MDGA2: variants seen among roughly 807,000 people sequenced by gnomAD.
MDGA2 encodes the protein MAM domain-containing glycosylphosphatidylinositol anchor protein 2.
A neutral mutation model predicts 117.8 loss-of-function variants in MDGA2; 40 were observed. The observed-to-expected ratio is 0.34, with a 90% CI of 0.26 to 0.44. The LOEUF (loss-of-function observed/expected upper bound fraction) is 0.44, where lower values mean the gene tolerates loss of function less well. Among genes scored for constraint, MDGA2 ranks in the 20% least tolerant of loss-of-function variants. The probability of loss-of-function intolerance (pLI) is 1.00; values close to 1 mark genes in which losing one functional copy is unlikely to be tolerated. For synonymous variants in MDGA2, 452 were observed against 439.0 expected (o/e 1.03, Z -0.37); for missense variants, 1,123 against 1,250.6 (o/e 0.90, Z 1.54).
intron 8 of MDGA2, among the ~76,000 whole-genome samples, chr14:47,022,609 A>C (rs1888326511): frequency 6.6e-6 from 1 of 152,160 alleles, no homozygotes; most frequent in Non-Finnish European, 1.5e-5. Flanking sequence ...AATTTTTAAA[A>C]AGGTACAGAC....
chr14:47,519,481 T>G (rs544865064), intron 1 of MDGA2, among the ~76,000 whole-genome samples: 1 of 152,304 alleles, frequency 6.6e-6, no homozygotes, highest in East Asian at 1.9e-4. Context: ...TCAATTACAT[T>G]GTTACTCTAT....
At chr14:47,609,096 G>C (rs993907667) in intron 1 of MDGA2, among the ~76,000 whole-genome samples, 2 of 151,506 alleles carry the variant, frequency 1.3e-5, no homozygotes, top group African/African-American at 4.8e-5. Flanking sequence ...TGGGGTGCAG[G>C]TGGTATTTGG....
rs148980675 is a variant in MDGA2 at position 46,965,585 on chromosome 14, A to G, written c.1820-7942T>C. Among the ~76,000 whole-genome samples, 590 of 152,266 alleles carry G rather than the reference A, an allele frequency of 3.9e-3. 7 individuals are homozygous for G. Among genetic ancestry groups the G allele is most frequent in the African/African-American group, 0.014 (578 of 41,562 alleles). On this transcript the variant is annotated intron_variant, in intron 8 of 16. Coordinates refer to ENST00000399232, the MANE Select transcript of MDGA2 (RefSeq NM_001113498.3). ...AAATAATATTAAACCAAGCGCACTC[A>G]TTATAGTGCACTCAAGTCTGTCAAT...
intron 1 of MDGA2, among the ~76,000 whole-genome samples, chr14:47,456,334 C>T (rs1020647858): frequency 1.4e-5 from 2 of 145,860 alleles, no homozygotes; most frequent in Admixed American, 7.0e-5. Context: ...CTCTTATTGC[C>T]CATGCAGGAG....
chr14:47,054,322 C>T (rs1977815), intron 7 of MDGA2, among the ~76,000 whole-genome samples: 137,247 of 151,280 alleles, frequency 0.91, 62,112 homozygotes, highest in East Asian at 1. Context: ...TCTCAAAGCT[C>T]TTATTATTAT....
At position 46,841,937 on chromosome 14, in the gene MDGA2, TCG is replaced by T; in HGVS notation, c.3070_3071del (p.Arg1024LysfsTer10). On this transcript the variant is annotated frameshift_variant, in exon 17 of 17. Transcript: ENST00000399232. LOFTEE classifies it high-confidence loss of function. ...AGCCTCTGCCAGGATAAGGTCACCT[TCG>T]AGGACTTAAGATAGAGATGAGGACG... ...IIVLISILSP[R>X]R 1 of 1,608,350 alleles carries T rather than the reference TCG, an allele frequency of 6.2e-7. No individual in the cohort carries two copies. The highest frequency in any genetic ancestry group is 1.7e-5 in the Admixed American group (1 of 59,880).
At chr14:46,886,494 A>C (rs1465678921) in intron 10 of MDGA2, among the ~76,000 whole-genome samples, 1 of 152,118 alleles carries the variant, frequency 6.6e-6, no homozygotes, top group East Asian at 1.9e-4. Context: ...AGAAATAATA[A>C]ACACTGAGTT....
At chr14:47,460,489 G>C (rs955127985) in intron 1 of MDGA2, among the ~76,000 whole-genome samples, 2 of 151,960 alleles carry the variant, frequency 1.3e-5, no homozygotes, top group Non-Finnish European at 2.9e-5. Context: ...TTATTTAGAT[G>C]AGACACAGAG....
intron 1 of MDGA2, among the ~76,000 whole-genome samples, chr14:47,525,021 T>A (rs890236830): frequency 6.6e-6 from 1 of 152,180 alleles, no homozygotes; most frequent in Non-Finnish European, 1.5e-5. Context: ...GTCCTCTAAA[T>A]CCCAGTTTAA....
At chr14:47,082,475 A>G (rs1237659060) in intron 6 of MDGA2, among the ~76,000 whole-genome samples, 1 of 152,108 alleles carries the variant, frequency 6.6e-6, no homozygotes, top group Non-Finnish European at 1.5e-5. Context: ...AAACACTGAA[A>G]GGTTATGTCC....
At chr14:47,138,334 A>C (rs560006047) in intron 4 of MDGA2, among the ~76,000 whole-genome samples, 1 of 152,206 alleles carries the variant, frequency 6.6e-6, no homozygotes, top group African/African-American at 2.4e-5. Flanking sequence ...AATTAGTCTA[A>C]TTAGACTAAT....
intron 5 of MDGA2, among the ~76,000 whole-genome samples, chr14:47,124,053 T>C (rs1377535101): frequency 6.6e-6 from 1 of 152,118 alleles, no homozygotes; most frequent in African/African-American, 2.4e-5. Context: ...TTATTGGCTG[T>C]AGTAGTAAAC....
intron 16 of MDGA2, among the ~76,000 whole-genome samples, chr14:46,844,816 G>A (rs573961713): frequency 6.6e-6 from 1 of 152,058 alleles, no homozygotes; most frequent in East Asian, 1.9e-4. Flanking sequence ...GAATCATGGG[G>A]GCTCTTCCCC....
Position 46,855,884 on chromosome 14 carries a change from T to C in MDGA2, c.2753-730A>G, listed in dbSNP as rs560145193. On this transcript the variant is annotated intron_variant, in intron 14 of 16. Coordinates refer to ENST00000399232, the MANE Select transcript of MDGA2 (RefSeq NM_001113498.3). The surrounding 1 kb of genome is among the most constrained non-coding windows in gnomAD (Gnocchi z 4.1). Reference sequence around the variant, plus strand: ...TTATTTTTTCAGTTTGATTTTTACCTGTCTCATTTTTCTTCTAAAAGAGTT... The same window carrying C: ...TTATTTTTTCAGTTTGATTTTTACCCGTCTCATTTTTCTTCTAAAAGAGTT... 4.3e-4 allele frequency among the ~76,000 whole-genome samples: 66 copies of C among 152,256 alleles called. No individual in the cohort carries two copies. The highest frequency in any genetic ancestry group is 6.8e-3 in the Middle Eastern group (2 of 294).
intron 3 of MDGA2, among the ~76,000 whole-genome samples, chr14:47,173,296 G>A (rs554354972): frequency 0.013 from 1,909 of 152,140 alleles, 132 homozygotes; most frequent in Admixed American, 0.11. Flanking sequence ...GAAATACAGA[G>A]AACGCCACAA....
intron 1 of MDGA2, among the ~76,000 whole-genome samples, chr14:47,360,386 T>TAAATAAATAAATAAATA (rs781144826): frequency 8.0e-6 from 1 of 125,600 alleles, no homozygotes; most frequent in South Asian, 2.4e-4. Flanking sequence ...AATAAATAAA[T>TAAATAAATAAATAAATA]AAATAAAATA....
chr14:47,105,669 C>G lies in MDGA2; in HGVS notation c.926-8546G>C, dbSNP rs535700988. On this transcript the variant is annotated intron_variant, in intron 5 of 16. Coordinates refer to ENST00000399232, the MANE Select transcript of MDGA2 (RefSeq NM_001113498.3). ...TAAAATAGGCAAACGGTCTGAGGTG[C>G]CTGACGTCCAGGCATTCTTTTACAC... is the stretch of plus-strand genomic sequence containing the variant. 2.0e-4 allele frequency among the ~76,000 whole-genome samples: 30 copies of G among 151,362 alleles called. 1 individual carries two copies. The South Asian group carries it at 5.9e-3, about 30-fold the overall frequency.
chr14:47,160,714 C>T (rs543138244), intron 3 of MDGA2, among the ~76,000 whole-genome samples: 3 of 152,250 alleles, frequency 2.0e-5, no homozygotes, highest in African/African-American at 7.2e-5. Flanking sequence ...ACATAAAACT[C>T]TGCTGGGATT....
At chr14:46,968,585 G>A (rs56762668) in intron 8 of MDGA2, among the ~76,000 whole-genome samples, 5,895 of 152,034 alleles carry the variant, frequency 0.039, 384 homozygotes, top group African/African-American at 0.14. Flanking sequence ...TGTAATCCCG[G>A]CACTTTGGGA....
Sources: gnomAD v4.1 joint callset for allele counts (sites outside exome capture counted in the v4.1 genomes callset) on GRCh38, gnomAD v4.1.1 for gene constraint, Gnocchi (gnomAD v3.1) non-coding constraint, MANE v1.5 for transcripts, NCBI Gene and HGNC (gene_info 2026-07-23, HGNC 2026-07-21) for gene names.